AFG2A: variants seen among roughly 807,000 people sequenced by gnomAD.
AFG2A encodes ATPase family gene 2 protein homolog A.
At chr4:123,283,836 C>A in the AFG2A span, among the ~76,000 whole-genome samples, 1 of 152,176 alleles carries the variant, frequency 6.6e-6, no homozygotes, top group East Asian at 1.9e-4. Flanking sequence ...CCAGGAGGAA[C>A]TGTGTTCTCC....
At chr4:122,960,896 A>G in the AFG2A span, among the ~76,000 whole-genome samples, 527 of 152,148 alleles carry the variant, frequency 3.5e-3, 3 homozygotes, top group Middle Eastern at 0.014. Context: ...ATTTTTTACT[A>G]TTTTTTCAAT....
chr4:123,300,501 C>A, the AFG2A span, among the ~76,000 whole-genome samples: 1 of 152,120 alleles, frequency 6.6e-6, no homozygotes, highest in Admixed American at 6.6e-5. Flanking sequence ...GTACCTCACT[C>A]CTTACAAGAC....
At chr4:123,098,056 G>A in the AFG2A span, among the ~76,000 whole-genome samples, 1 of 152,014 alleles carries the variant, frequency 6.6e-6, no homozygotes, top group Non-Finnish European at 1.5e-5. Context: ...TTGCACTACT[G>A]TAGTAGAGTA....
At chr4:123,173,340 G>GTTTTTTTTTTTTTT in the AFG2A span, among the ~76,000 whole-genome samples, 26 of 70,304 alleles carry the variant, frequency 3.7e-4, 3 homozygotes, top group Non-Finnish European at 5.4e-4. Flanking sequence ...AAGTCCAATG[G>GTTTTTTTTTTTTTT]TTTTTTTTTT....
chr4:122,989,554 G>C, the AFG2A span, among the ~76,000 whole-genome samples: 563 of 152,252 alleles, frequency 3.7e-3, 2 homozygotes, highest in African/African-American at 0.012. Context: ...ATAGTGGTGG[G>C]TCTAGAGCCT....
At chr4:123,166,635 T>C in the AFG2A span, among the ~76,000 whole-genome samples, 1 of 152,208 alleles carries the variant, frequency 6.6e-6, no homozygotes, top group Non-Finnish European at 1.5e-5. Flanking sequence ...TCGTTGGTTA[T>C]ATACTCAGCT....
At chr4:123,068,922 A>G in the AFG2A span, among the ~76,000 whole-genome samples, 1 of 152,174 alleles carries the variant, frequency 6.6e-6, no homozygotes, top group Non-Finnish European at 1.5e-5. Context: ...AAGCATCATC[A>G]TCTTCATGGT....
At chr4:123,064,660 G>A in the AFG2A span, among the ~76,000 whole-genome samples, 1 of 152,182 alleles carries the variant, frequency 6.6e-6, no homozygotes, top group African/African-American at 2.4e-5. Flanking sequence ...GACGAAATGA[G>A]TACTGACTAA....
the AFG2A span, among the ~76,000 whole-genome samples, chr4:123,305,306 CT>C: frequency 1.3e-5 from 2 of 152,110 alleles, no homozygotes; most frequent in East Asian, 3.9e-4. Context: ...TTCGGCATCC[CT>C]ATTGGAAGGG....
chr4:123,233,525 A>G, the AFG2A span, among the ~76,000 whole-genome samples: 1 of 152,122 alleles, frequency 6.6e-6, no homozygotes, highest in Non-Finnish European at 1.5e-5. Context: ...TTATAAAAGC[A>G]TCTATCATCA....
chr4:123,056,461 T>C, the AFG2A span: 1 of 1,609,138 alleles, frequency 6.2e-7, no homozygotes, highest in Non-Finnish European at 8.5e-7. Context: ...GTGCCTTTAG[T>C]GGCACTCAGC....
the AFG2A span, among the ~76,000 whole-genome samples, chr4:123,176,135 A>G: frequency 0.51 from 76,838 of 152,034 alleles, 23,604 homozygotes; most frequent in Non-Finnish European, 0.67. Context: ...TGTAATTGGT[A>G]AAGAAGCAGT....
At chr4:123,300,756 T>G in the AFG2A span, among the ~76,000 whole-genome samples, 10 of 17,694 alleles carry the variant, frequency 5.7e-4, no homozygotes, top group Non-Finnish European at 2.1e-3. Context: ...TTTTTTGTTT[T>G]TTTTTTTTTT....
the AFG2A span, among the ~76,000 whole-genome samples, chr4:123,252,804 A>G: frequency 2.6e-5 from 4 of 152,170 alleles, no homozygotes; most frequent in Non-Finnish European, 5.9e-5. Flanking sequence ...CTCAGGTTGC[A>G]GTCAACCACT....
chr4:122,950,425 C>T, the AFG2A span, among the ~76,000 whole-genome samples: 8,104 of 151,978 alleles, frequency 0.053, 524 homozygotes, highest in African/African-American at 0.16. Flanking sequence ...CTGCAACCTC[C>T]GCCTCCTGAG....
chr4:123,184,841 A>G, the AFG2A span, among the ~76,000 whole-genome samples: 1 of 152,154 alleles, frequency 6.6e-6, no homozygotes, highest in Non-Finnish European at 1.5e-5. Context: ...CGGCCCCAGC[A>G]TGATCATTTC....
the AFG2A span, among the ~76,000 whole-genome samples, chr4:123,031,279 G>A: frequency 2.6e-5 from 4 of 152,106 alleles, no homozygotes; most frequent in East Asian, 7.7e-4. Flanking sequence ...AGCCTCCCGA[G>A]TAGCTGGGAT....
At chr4:122,959,356 A>G in the AFG2A span, among the ~76,000 whole-genome samples, 3 of 152,214 alleles carry the variant, frequency 2.0e-5, no homozygotes, top group Admixed American at 6.5e-5. Flanking sequence ...GTTATGTATA[A>G]TGGTTCCGAA....
the AFG2A span, among the ~76,000 whole-genome samples, chr4:123,290,003 T>C: frequency 6.6e-6 from 1 of 152,140 alleles, no homozygotes; most frequent in Non-Finnish European, 1.5e-5. Flanking sequence ...ATCCTGATGC[T>C]CTCTCTCCCT....
Sources: allele counts gnomAD v4.1 joint callset (sites outside exome capture counted in the v4.1 genomes callset), GRCh38; gene constraint gnomAD v4.1.1; transcripts MANE v1.5; gene names NCBI Gene and HGNC (gene_info 2026-07-23, HGNC 2026-07-21).